ST6GALNAC3: variants seen among roughly 807,000 people sequenced by gnomAD.
ST6GALNAC3 encodes the protein ST6 N-acetylgalactosaminide alpha-2,6-sialyltransferase 3, also known as alpha-N-acetylgalactosaminide alpha-2,6-sialyltransferase 3.
ST6GALNAC3 carries 25 observed loss-of-function variants against 32.7 expected under a neutral mutation model. The observed-to-expected ratio is 0.76, with a 90% CI of 0.56 to 1.07. The LOEUF (loss-of-function observed/expected upper bound fraction) is 1.07, where lower values mean the gene tolerates loss of function less well. ST6GALNAC3 is among the 50% of genes least tolerant of loss of function. ST6GALNAC3 has a pLI of 0.00. For synonymous variants in ST6GALNAC3, 129 were observed against 133.1 expected (o/e 0.97, Z 0.21); for missense variants, 355 against 382.4 (o/e 0.93, Z 0.60).
intron 1 of ST6GALNAC3, among the ~76,000 whole-genome samples, chr1:76,293,741 C>T (rs1031464112): frequency 1.3e-5 from 2 of 152,050 alleles, no homozygotes; most frequent in Admixed American, 6.6e-5. Context: ...AAGTGGTGGC[C>T]TTTTTTATCT....
chr1:76,482,139 TACAC>T lies in ST6GALNAC3; in HGVS notation c.623+69748_623+69751del, dbSNP rs368648490. On this transcript the variant is annotated intron_variant, in intron 3 of 4. Transcript: ENST00000328299. Reference sequence around the variant, plus strand: ...AAAGAGAATTTTAACAAATTTTCTTTACACACACACACACACACACACACACACA... The same window carrying T: ...AAAGAGAATTTTAACAAATTTTCTTTACACACACACACACACACACACACA... Among the ~76,000 whole-genome samples the T allele has an allele frequency of 7.6e-3, 1,125 of 147,120 alleles. 9 individuals are homozygous for T. The highest frequency in any genetic ancestry group is 0.025 in the African/African-American group (987 of 40,258).
chr1:76,373,905 C>T (rs1046956845), intron 2 of ST6GALNAC3, among the ~76,000 whole-genome samples: 1 of 152,106 alleles, frequency 6.6e-6, no homozygotes, highest in African/African-American at 2.4e-5. Context: ...CCCCTTCCCA[C>T]CCCCACCATT....
intron 1 of ST6GALNAC3, among the ~76,000 whole-genome samples, chr1:76,209,458 T>G (rs977021941): frequency 2.6e-5 from 4 of 152,216 alleles, no homozygotes; most frequent in Non-Finnish European, 5.9e-5. Context: ...GCCTTGCATC[T>G]GATGTAGGAC....
intron 3 of ST6GALNAC3, among the ~76,000 whole-genome samples, chr1:76,571,180 T>C (rs1665837764): frequency 6.6e-6 from 1 of 152,140 alleles, no homozygotes; most frequent in South Asian, 2.1e-4. Context: ...CCATTCATAA[T>C]GCCTTTTAAT....
At chr1:76,532,301 C>T (rs1663309596) in intron 3 of ST6GALNAC3, among the ~76,000 whole-genome samples, 2 of 152,302 alleles carry the variant, frequency 1.3e-5, no homozygotes, top group Middle Eastern at 3.4e-3. Flanking sequence ...AAACAAATCA[C>T]GTCCACCATG....
chr1:76,486,795 T>C (rs1660148117), intron 3 of ST6GALNAC3, among the ~76,000 whole-genome samples: 3 of 152,214 alleles, frequency 2.0e-5, no homozygotes, highest in African/African-American at 7.2e-5. Flanking sequence ...TTTTGCTCGT[T>C]AGTTGATGCA....
intron 1 of ST6GALNAC3, among the ~76,000 whole-genome samples, chr1:76,081,271 G>A (rs368761365): frequency 3.6e-5 from 5 of 140,662 alleles, no homozygotes; most frequent in South Asian, 2.2e-4. Context: ...TAACACGAAT[G>A]ACAGCTGGTG....
intron 3 of ST6GALNAC3, among the ~76,000 whole-genome samples, chr1:76,441,745 A>T (rs1288121844): frequency 6.6e-6 from 1 of 152,042 alleles, no homozygotes; most frequent in African/African-American, 2.4e-5. Flanking sequence ...CCCATTAACC[A>T]TTCCCACCTC....
intron 1 of ST6GALNAC3, among the ~76,000 whole-genome samples, chr1:76,152,914 A>G (rs1651143071): frequency 6.6e-6 from 1 of 152,214 alleles, no homozygotes; most frequent in Admixed American, 6.5e-5. Context: ...AGCCCAAAAT[A>G]TAAGCTCTAT....
chr1:76,078,478 C>T (rs1040671015), intron 1 of ST6GALNAC3, among the ~76,000 whole-genome samples: 1 of 152,210 alleles, frequency 6.6e-6, no homozygotes, highest in Non-Finnish European at 1.5e-5. Flanking sequence ...TCAGACTTCA[C>T]ATTGCCTGGA....
intron 1 of ST6GALNAC3, among the ~76,000 whole-genome samples, chr1:76,168,880 A>G (rs1591472): frequency 0.54 from 82,188 of 151,902 alleles, 24,502 homozygotes; most frequent in East Asian, 0.89. Context: ...AGGACAGCAT[A>G]TCAATGAGTC....
intron 3 of ST6GALNAC3, among the ~76,000 whole-genome samples, chr1:76,578,314 A>G (rs1414693930): frequency 6.6e-6 from 1 of 152,040 alleles, no homozygotes; most frequent in African/African-American, 2.4e-5. Context: ...TTTTATGTAA[A>G]CAACTAGATG....
chr1:76,267,498 G>A (rs11162105), intron 1 of ST6GALNAC3, among the ~76,000 whole-genome samples: 1 of 152,060 alleles, frequency 6.6e-6, no homozygotes, highest in African/African-American at 2.4e-5. Context: ...TTTTTACCAC[G>A]TTTTCTTCAG....
chr1:76,232,289 G>C (rs1164195958), intron 1 of ST6GALNAC3, among the ~76,000 whole-genome samples: 1 of 152,176 alleles, frequency 6.6e-6, no homozygotes, highest in Admixed American at 6.5e-5. Context: ...TCCATTGTAT[G>C]GTGGCCTCTG....
Position 76,630,391 on chromosome 1 carries a change from T to C in ST6GALNAC3, c.*1585T>C. ...AAAAAGCAGGGACAACAGGAGGAAATGAAGGCAGAGAAATATAGTTTCCTT... is the reference window on the plus strand; with the variant it reads ...AAAAAGCAGGGACAACAGGAGGAAACGAAGGCAGAGAAATATAGTTTCCTT... On this transcript the variant is annotated 3_prime_UTR_variant, in exon 5 of 5. Transcript: ENST00000328299. 1.0e-6 allele frequency: 1 copy of C among 985,136 alleles called. No individual in the cohort carries two copies. The highest frequency in any genetic ancestry group is 1.2e-6 in the Non-Finnish European group (1 of 829,820). 61.0% of individuals were successfully genotyped at this position (985,136 alleles called of 1,614,324 possible).
intron 1 of ST6GALNAC3, among the ~76,000 whole-genome samples, chr1:76,265,516 C>T (rs1192270798): frequency 1.3e-5 from 2 of 152,154 alleles, no homozygotes; most frequent in Non-Finnish European, 1.5e-5. Context: ...CTGTAAGAAG[C>T]TTCGTACCCA....
chr1:76,199,109 A>T (rs1654378846), intron 1 of ST6GALNAC3, among the ~76,000 whole-genome samples: 1 of 152,190 alleles, frequency 6.6e-6, no homozygotes, highest in Admixed American at 6.5e-5. Context: ...TCCTTCAACA[A>T]ATTCAAGTTT....
At chr1:76,414,632 T>C (rs1654491822) in intron 3 of ST6GALNAC3, among the ~76,000 whole-genome samples, 1 of 152,226 alleles carries the variant, frequency 6.6e-6, no homozygotes, top group Middle Eastern at 3.4e-3. Context: ...GTAATGAGCC[T>C]CTGTATAACC....
intron 1 of ST6GALNAC3, among the ~76,000 whole-genome samples, chr1:76,277,280 T>G (rs760974396): frequency 2.6e-5 from 4 of 151,976 alleles, no homozygotes; most frequent in Non-Finnish European, 5.9e-5. Flanking sequence ...ACATATGGGC[T>G]TATATATTTG....
Sources: gnomAD v4.1 joint callset for allele counts (sites outside exome capture counted in the v4.1 genomes callset) on GRCh38, gnomAD v4.1.1 for gene constraint, MANE v1.5 for transcripts, NCBI Gene and HGNC (gene_info 2026-07-23, HGNC 2026-07-21) for gene names.